Variants in HSD17B12 observed in about 807,000 individuals in gnomAD.
The protein encoded by HSD17B12 is very-long-chain 3-oxoacyl-CoA reductase.
Under a neutral mutation model 39.3 loss-of-function variants are expected in HSD17B12, and 32 were observed. The observed-to-expected ratio is 0.81, with a 90% confidence interval of 0.61 to 1.09. The LOEUF is 1.09. Among genes scored for constraint, HSD17B12 ranks in the 50% least tolerant of loss-of-function variants. The pLI is 0.00. For synonymous variants in HSD17B12, 150 were observed against 146.7 expected (o/e 1.02, Z -0.16); for missense variants, 342 against 382.9 (o/e 0.89, Z 0.89).
intron 1 of HSD17B12, among the ~76,000 whole-genome samples, chr11:43,692,216 G>A (rs1009514267): frequency 6.6e-5 from 10 of 152,142 alleles, no homozygotes; most frequent in African/African-American, 2.4e-4. Context: ...GGGGTCAGAT[G>A]TTTTGCTTTA....
chr11:43,827,860 A>G (rs1951261218), intron 6 of HSD17B12, among the ~76,000 whole-genome samples: 1 of 152,192 alleles, frequency 6.6e-6, no homozygotes, highest in African/African-American at 2.4e-5. Context: ...ATCAAATTCT[A>G]AATTTAGCTG....
At chr11:43,762,461 G>A (rs1450215268) in intron 3 of HSD17B12, among the ~76,000 whole-genome samples, 1 of 152,222 alleles carries the variant, frequency 6.6e-6, no homozygotes, top group Non-Finnish European at 1.5e-5. Flanking sequence ...AGCCCTTGCT[G>A]AGGCTAATTA....
intron 1 of HSD17B12, among the ~76,000 whole-genome samples, chr11:43,738,998 C>G (rs992733245): frequency 2.6e-5 from 4 of 152,194 alleles, no homozygotes; most frequent in Non-Finnish European, 5.9e-5. Context: ...GGGGAACTGG[C>G]AAGTCCTGAT....
the HSD17B12 span, among the ~76,000 whole-genome samples, chr11:43,671,968 A>G: frequency 1.2e-4 from 18 of 152,354 alleles, no homozygotes; most frequent in East Asian, 2.1e-3. Context: ...TTTGGGAAAT[A>G]TGTTTACAGA....
chr11:43,722,518 C>T (rs955337211), intron 1 of HSD17B12, among the ~76,000 whole-genome samples: 2 of 152,064 alleles, frequency 1.3e-5, no homozygotes, highest in Admixed American at 6.6e-5. Context: ...TCGAGACCAG[C>T]CTGGCCAACA....
chr11:43,830,907 GT>G (rs1263641897), intron 6 of HSD17B12, 68 bp from the exon 7 acceptor site: 3 of 1,327,708 alleles, frequency 2.3e-6, no homozygotes, highest in Non-Finnish European at 3.2e-6. Context: ...GTGTGGGTGA[GT>G]TTTCTTCACT....
intron 3 of HSD17B12, among the ~76,000 whole-genome samples, chr11:43,758,254 A>T (rs1950528557): frequency 6.6e-6 from 1 of 152,174 alleles, no homozygotes; most frequent in African/African-American, 2.4e-5. Flanking sequence ...GAGAAGAGGA[A>T]TTCTTTTGCT....
chr11:43,799,933 C>T (rs1243858734), intron 4 of HSD17B12, among the ~76,000 whole-genome samples: 1 of 152,158 alleles, frequency 6.6e-6, no homozygotes, highest in Admixed American at 6.5e-5. Context: ...ATACCGACAC[C>T]ACTACTCCCT....
At chr11:43,586,204 C>T in the HSD17B12 span, among the ~76,000 whole-genome samples, 1 of 152,098 alleles carries the variant, frequency 6.6e-6, no homozygotes, top group Non-Finnish European at 1.5e-5. Context: ...AGACTGACAC[C>T]CCAGGGTTCA....
At chr11:43,671,692 T>A in the HSD17B12 span, among the ~76,000 whole-genome samples, 2 of 152,348 alleles carry the variant, frequency 1.3e-5, no homozygotes, top group South Asian at 4.1e-4. Flanking sequence ...TTGAATTATT[T>A]TTGCATAATC....
chr11:43,697,227 C>G (rs939478511), intron 1 of HSD17B12, among the ~76,000 whole-genome samples: 7 of 152,086 alleles, frequency 4.6e-5, no homozygotes, highest in Non-Finnish European at 7.4e-5. Flanking sequence ...GCTGGTCTGG[C>G]AGAAGACACA....
intron 1 of HSD17B12, among the ~76,000 whole-genome samples, chr11:43,716,163 G>T (rs983291646): frequency 1.3e-5 from 2 of 152,110 alleles, no homozygotes; most frequent in East Asian, 3.8e-4. Flanking sequence ...TTGCCCTTTG[G>T]ATGTGTCTCA....
chr11:43,557,651 G>T, the HSD17B12 span, among the ~76,000 whole-genome samples: 23 of 152,324 alleles, frequency 1.5e-4, no homozygotes, highest in Non-Finnish European at 2.9e-4. Flanking sequence ...CTTTATGCAT[G>T]ATATCTTAAG....
chr11:43,786,623 T>A (rs1296787165), intron 3 of HSD17B12, among the ~76,000 whole-genome samples: 1 of 152,210 alleles, frequency 6.6e-6, no homozygotes, highest in Non-Finnish European at 1.5e-5. Context: ...CTAAAATGAT[T>A]CAGGGGAAAA....
rs11555764 is a variant in HSD17B12, at chr11:43,680,881, C to T, written c.54C>T (p.Thr18=). 2 of 1,613,986 alleles carry T rather than the reference C, an allele frequency of 1.2e-6. No homozygotes were observed. The highest frequency in any genetic ancestry group is 2.2e-5 in the East Asian group (1 of 44,844). ...AGFLYWVGAG[T]VAYLALRISY... ...TCCTGTACTGGGTCGGCGCGGGCAC[C>T]GTGGCCTACCTAGCCCTGCGTATTT... Residue 18 remains threonine, a synonymous_variant, in exon 1 of 11, where the codon ACC becomes ACT. Coordinates refer to ENST00000278353, the MANE Select transcript of HSD17B12 (RefSeq NM_016142.3).
chr11:43,820,331 T>A (rs949986084), intron 6 of HSD17B12, among the ~76,000 whole-genome samples: 3 of 152,202 alleles, frequency 2.0e-5, no homozygotes, highest in Non-Finnish European at 4.4e-5. Flanking sequence ...TTCTTACTTA[T>A]ACTGAGAGAA....
intron 1 of HSD17B12, among the ~76,000 whole-genome samples, chr11:43,693,747 C>A (rs1949884983): frequency 1.3e-5 from 2 of 152,306 alleles, no homozygotes; most frequent in African/African-American, 4.8e-5. Flanking sequence ...AAAACTTCTT[C>A]AGATTGATTT....
chr11:43,641,466 T>C, the HSD17B12 span, among the ~76,000 whole-genome samples: 1 of 152,034 alleles, frequency 6.6e-6, no homozygotes, highest in East Asian at 1.9e-4. Context: ...TTTGATAAAT[T>C]TGAAAGACTG....
chr11:43,799,060 A>G (rs1037563484), intron 4 of HSD17B12, among the ~76,000 whole-genome samples: 3 of 152,076 alleles, frequency 2.0e-5, no homozygotes, highest in African/African-American at 7.2e-5. Flanking sequence ...GATGGTGCTG[A>G]CTCATTTACA....
Sources: gnomAD v4.1 joint callset for allele counts (sites outside exome capture counted in the v4.1 genomes callset) on GRCh38, gnomAD v4.1.1 for gene constraint, MANE v1.5 for transcripts, NCBI Gene and HGNC (gene_info 2026-07-23, HGNC 2026-07-21) for gene names.